NBAS: variants seen among roughly 807,000 people sequenced by gnomAD.
The protein encoded by NBAS is NAG/BC035112 fusion.
In NBAS, 219 loss-of-function variants were observed where a neutral mutation model predicts 302.5. That is an observed-to-expected ratio of 0.72 (90% confidence interval 0.65 to 0.81). NBAS has a LOEUF of 0.81. NBAS is among the 30% of genes least tolerant of loss of function. The pLI is 0.00. For missense variants in NBAS, 2,932 were observed against 2,841.6 expected, an observed-to-expected ratio of 1.03 and a Z score of -0.72; for synonymous variants, 1,118 against 1,021.6, an observed-to-expected ratio of 1.09 and a Z score of -1.80.
chr2:15,120,043 G>A, the NBAS span, among the ~76,000 whole-genome samples: 1 of 152,132 alleles, frequency 6.6e-6, no homozygotes. Flanking sequence ...TCCTAGTTCT[G>A]ATGGCCAAAA....
intron 25 of NBAS, among the ~76,000 whole-genome samples, chr2:15,402,580 G>A (rs1186149388): frequency 6.6e-6 from 1 of 152,020 alleles, no homozygotes; most frequent in African/African-American, 2.4e-5. Flanking sequence ...ATAGAAAAAA[G>A]AAACACTGTG....
intron 44 of NBAS, among the ~76,000 whole-genome samples, chr2:15,266,037 T>C (rs530665403): frequency 1.3e-5 from 2 of 152,296 alleles, no homozygotes; most frequent in Admixed American, 6.5e-5. Flanking sequence ...AACTGAATCA[T>C]GGGAGTAGTT....
chr2:14,818,010 C>T, the NBAS span, among the ~76,000 whole-genome samples: 2 of 152,110 alleles, frequency 1.3e-5, no homozygotes, highest in Non-Finnish European at 2.9e-5. Context: ...GTTCTTTCCA[C>T]CCACTGCTTT....
At chr2:15,053,032 G>T in the NBAS span, among the ~76,000 whole-genome samples, 5 of 152,212 alleles carry the variant, frequency 3.3e-5, no homozygotes, top group South Asian at 1.0e-3. Context: ...AAGGATGATG[G>T]TGCATATAAA....
chr2:15,179,477 TTG>T (rs35921523), intron 50 of NBAS: 58,390 of 254,446 alleles, frequency 0.23, 8,885 homozygotes, highest in East Asian at 0.58. Context: ...GTTTTGTGTT[TTG>T]TGTGTGTGTG....
At chr2:15,376,340 C>G (rs964943069) in intron 30 of NBAS, among the ~76,000 whole-genome samples, 1 of 151,964 alleles carries the variant, frequency 6.6e-6, no homozygotes, top group African/African-American at 2.4e-5. Context: ...GAAAGAGATG[C>G]AATGAAGGGG....
chr2:15,048,695 T>C, the NBAS span, among the ~76,000 whole-genome samples: 1 of 152,238 alleles, frequency 6.6e-6, no homozygotes, highest in African/African-American at 2.4e-5. Flanking sequence ...AGCTACTTCC[T>C]TCTTGCTGAG....
chr2:14,893,314 T>C, the NBAS span, among the ~76,000 whole-genome samples: 1 of 152,212 alleles, frequency 6.6e-6, no homozygotes, highest in African/African-American at 2.4e-5. Context: ...CTTTTGGATT[T>C]ATTTGTCCTT....
intron 22 of NBAS, among the ~76,000 whole-genome samples, chr2:15,425,212 C>T (rs753744916): frequency 6.6e-6 from 1 of 151,896 alleles, no homozygotes; most frequent in Non-Finnish European, 1.5e-5. Flanking sequence ...TGTAAAAATG[C>T]TATGTTCCAT....
Position 15,353,645 on chromosome 2 carries a change from T to C in NBAS, c.3997A>G (p.Thr1333Ala), listed in dbSNP as rs780261824. Reference protein sequence around the residue: ...GQSEGYQDLATRQELMAFALT... With the variant: ...GQSEGYQDLAARQELMAFALT... The stretch of plus-strand genomic sequence containing the variant: ...GCAAAAGCCATGAGCTCTTGACGAG[T>C]GGCCAAGTCCTGGTAACCTTCTGAT... The change falls in exon 34 of 52, where the codon ACT (threonine) becomes GCT (alanine). Residue 1333 changes from threonine to alanine, a missense_variant. Transcript: ENST00000281513. The C allele has an allele frequency of 1.5e-5, 24 of 1,613,940 alleles. No individual in the cohort carries two copies. The highest frequency in any genetic ancestry group is 1.3e-4 in the Admixed American group (8 of 60,004).
chr2:14,904,926 G>A, the NBAS span, among the ~76,000 whole-genome samples: 1 of 152,190 alleles, frequency 6.6e-6, no homozygotes, highest in Admixed American at 6.5e-5. Flanking sequence ...GCGGGCGCCT[G>A]TAGTCCCAGC....
At chr2:15,080,521 C>T in the NBAS span, among the ~76,000 whole-genome samples, 1 of 152,246 alleles carries the variant, frequency 6.6e-6, no homozygotes, top group African/African-American at 2.4e-5. Flanking sequence ...CACTCCAAAA[C>T]TCAGTGACTT....
intron 11 of NBAS, among the ~76,000 whole-genome samples, chr2:15,501,052 A>G (rs1296531443): frequency 6.6e-6 from 1 of 152,244 alleles, no homozygotes; most frequent in Non-Finnish European, 1.5e-5. Flanking sequence ...CTGTAATCCC[A>G]GCACTTCGGG....
intron 40 of NBAS, among the ~76,000 whole-genome samples, chr2:15,305,343 AC>A (rs763815431): frequency 6.6e-6 from 1 of 150,762 alleles, no homozygotes; most frequent in Non-Finnish European, 1.5e-5. Flanking sequence ...GTTCCTGCTC[AC>A]CTTCCTCCAT....
At chr2:15,014,573 G>A in the NBAS span, among the ~76,000 whole-genome samples, 3 of 151,876 alleles carry the variant, frequency 2.0e-5, no homozygotes, top group African/African-American at 7.3e-5. Flanking sequence ...AAAATTCCTC[G>A]AAACAAATAA....
intron 41 of NBAS, among the ~76,000 whole-genome samples, chr2:15,290,539 T>C (rs929478105): frequency 6.6e-6 from 1 of 152,240 alleles, no homozygotes; most frequent in African/African-American, 2.4e-5. Flanking sequence ...TTATTCTGCA[T>C]GATAATCACC....
chr2:15,148,395 G>C, the NBAS span, among the ~76,000 whole-genome samples: 1 of 152,172 alleles, frequency 6.6e-6, no homozygotes, highest in African/African-American at 2.4e-5. Flanking sequence ...AATGAGCAGG[G>C]CCTGAAACTC....
chr2:15,228,005 A>G (rs1431870166), intron 47 of NBAS, among the ~76,000 whole-genome samples: 1 of 152,196 alleles, frequency 6.6e-6, no homozygotes, highest in African/African-American at 2.4e-5. Context: ...CATCAAACTA[A>G]AAAGCTCTGT....
intron 38 of NBAS, among the ~76,000 whole-genome samples, chr2:15,314,606 A>G (rs1671425939): frequency 6.6e-6 from 1 of 152,226 alleles, no homozygotes; most frequent in Non-Finnish European, 1.5e-5. Flanking sequence ...AACAGCTGAA[A>G]GTAAAAGAAT....
Sources: allele counts gnomAD v4.1 joint callset (sites outside exome capture counted in the v4.1 genomes callset), GRCh38; gene constraint gnomAD v4.1.1; transcripts MANE v1.5; gene names NCBI Gene and HGNC (gene_info 2026-07-23, HGNC 2026-07-21).